The following RBFOX3 variants were observed in gnomAD, a reference collection of about 807,000 sequenced individuals.
RBFOX3 encodes RNA binding protein fox-1 homolog 3.
Under a neutral mutation model 48.7 loss-of-function variants are expected in RBFOX3, and 17 were observed. That is an observed-to-expected ratio of 0.35 (90% CI 0.24 to 0.52). RBFOX3 has a LOEUF of 0.52. RBFOX3 is among the 20% of genes least tolerant of loss of function. The probability of loss-of-function intolerance (pLI) is 0.94; values close to 1 mark genes in which losing one functional copy is unlikely to be tolerated. For synonymous variants in RBFOX3, 212 were observed against 209.5 expected (o/e 1.01, Z -0.10); for missense variants, 382 against 497.5 (o/e 0.77, Z 2.21).
chr17:79,124,673 G>A (rs1214510985), intron 4 of RBFOX3, among the ~76,000 whole-genome samples: 1 of 152,272 alleles, frequency 6.6e-6, no homozygotes, highest in Non-Finnish European at 1.5e-5. Context: ...TGGGTGGCCA[G>A]GGCTGGCCTT....
chr17:79,474,603 G>A (rs1209395515), intron 2 of RBFOX3, among the ~76,000 whole-genome samples: 1 of 152,122 alleles, frequency 6.6e-6, no homozygotes, highest in African/African-American at 2.4e-5. Flanking sequence ...TTTGACTTTT[G>A]TATCCGTGAA....
chr17:79,228,534 G>GA (rs2147682765), intron 4 of RBFOX3, among the ~76,000 whole-genome samples: 4 of 152,222 alleles, frequency 2.6e-5, no homozygotes, highest in African/African-American at 9.6e-5. Context: ...CTTCTTTCAT[G>GA]GGTAGCACAA....
intron 14 of RBFOX3, 108 bp downstream of exon 14, chr17:79,094,343 G>A (rs1339352890): frequency 5.6e-5 from 42 of 754,684 alleles, no homozygotes; most frequent in Non-Finnish European, 6.6e-5. Context: ...CAAAGTCTCC[G>A]GGACCAAGGC....
intron 6 of RBFOX3, 51 bp downstream of exon 6, chr17:79,106,600 G>A (rs1306683452): frequency 3.6e-6 from 5 of 1,407,714 alleles, no homozygotes; most frequent in Non-Finnish European, 3.7e-6. Context: ...GCGCCACCCT[G>A]GAGCTGGGGC....
chr17:79,509,021 C>T (rs1033782418), intron 1 of RBFOX3, among the ~76,000 whole-genome samples: 1 of 152,190 alleles, frequency 6.6e-6, no homozygotes, highest in Non-Finnish European at 1.5e-5. Context: ...ACGTCCGGGC[C>T]CCCCGAAGGC....
At chr17:79,425,731 C>A (rs966554593) in intron 2 of RBFOX3, among the ~76,000 whole-genome samples, 3 of 151,908 alleles carry the variant, frequency 2.0e-5, no homozygotes, top group African/African-American at 7.3e-5. Context: ...GCGGCAAGAG[C>A]AGAGGGAGCA....
intron 1 of RBFOX3, among the ~76,000 whole-genome samples, chr17:79,555,309 A>G (rs1202734099): frequency 0.026 from 1 of 38 alleles, no homozygotes; most frequent in Admixed American, 0.25. Context: ...TGATGATGGT[A>G]GTTGTGGTGG....
At chr17:79,663,960 C>T in the RBFOX3 span, among the ~76,000 whole-genome samples, 4 of 152,068 alleles carry the variant, frequency 2.6e-5, no homozygotes, top group Non-Finnish European at 5.9e-5. Flanking sequence ...CCAGAAAGGA[C>T]CAGGGAAGAG....
At chr17:79,105,254 C>T (rs562032420) in intron 6 of RBFOX3, among the ~76,000 whole-genome samples, 1 of 152,176 alleles carries the variant, frequency 6.6e-6, no homozygotes, top group Non-Finnish European at 1.5e-5. Flanking sequence ...CTGCAGGGAC[C>T]CAGGGAGCTG....
In RBFOX3 at chr17:79,477,769, T is replaced by C. The variant is rs1320663255; in HGVS notation, c.-175+4685A>G. On this transcript the variant is annotated intron_variant, in intron 2 of 14. Coordinates refer to ENST00000693108, the MANE Select transcript of RBFOX3 (RefSeq NM_001350451.2). The surrounding 1 kb of genome is among the most constrained non-coding windows in gnomAD (Gnocchi z 4.8). Reference sequence around the variant, plus strand: ...GAGCCTGGCATCCTTCCTAAATATTTTCCAAATACATTTCTTAATAGAAAA... The same window carrying C: ...GAGCCTGGCATCCTTCCTAAATATTCTCCAAATACATTTCTTAATAGAAAA... Among the ~76,000 whole-genome samples the C allele has an allele frequency of 6.6e-6, 1 of 152,146 alleles. No individual in the cohort carries two copies.
At chr17:79,278,058 A>G (rs993087599) in intron 3 of RBFOX3, among the ~76,000 whole-genome samples, 4 of 152,224 alleles carry the variant, frequency 2.6e-5, no homozygotes, top group African/African-American at 9.6e-5. Context: ...GCAAATGTAC[A>G]CAAAATGCCA....
At chr17:79,522,271 G>A (rs2086212845) in intron 1 of RBFOX3, among the ~76,000 whole-genome samples, 2 of 152,230 alleles carry the variant, frequency 1.3e-5, no homozygotes, top group East Asian at 1.9e-4. Context: ...CTCTAACCCA[G>A]AGGCCCTGTG....
intron 1 of RBFOX3, among the ~76,000 whole-genome samples, chr17:79,582,900 G>GCCTC (rs2093124577): frequency 6.6e-6 from 1 of 151,946 alleles, no homozygotes; most frequent in South Asian, 2.1e-4. Flanking sequence ...GTTCCTGAGG[G>GCCTC]CCTCGTTCAG....
chr17:79,565,324 C>CAATACAT (rs2092416119), intron 1 of RBFOX3, among the ~76,000 whole-genome samples: 1 of 150,156 alleles, frequency 6.7e-6, no homozygotes, highest in Admixed American at 6.6e-5. Flanking sequence ...AAGAAGCAAA[C>CAATACAT]AATACATTTA....
intron 2 of RBFOX3, among the ~76,000 whole-genome samples, chr17:79,339,103 A>C (rs2081637844): frequency 6.6e-6 from 1 of 151,506 alleles, no homozygotes; most frequent in African/African-American, 2.4e-5. Context: ...TGCCCAGGCT[A>C]GAGTACAGTG....
intron 4 of RBFOX3, among the ~76,000 whole-genome samples, chr17:79,150,054 T>TG (rs1335704969): frequency 7.4e-4 from 1 of 1,348 alleles, no homozygotes; most frequent in Non-Finnish European, 1.7e-3. Context: ...GGGATGGGGA[T>TG]GGGGGTTGAG....
Position 79,569,063 on chromosome 17 carries a change from T to C in RBFOX3, c.-320+41763A>G, listed in dbSNP as rs986304458. ...ATTCTTGTTTTAGGGGATTTTTTCA[T>C]TGTGGAAACATCTATAGCAAGAAAA... On this transcript the variant is annotated intron_variant, in intron 1 of 14. Coordinates refer to ENST00000693108, the MANE Select transcript of RBFOX3 (RefSeq NM_001350451.2). Among the ~76,000 whole-genome samples the C allele has an allele frequency of 3.5e-3, 530 of 151,944 alleles. 5 individuals carry two copies. The highest frequency in any genetic ancestry group is 0.012 in the African/African-American group (494 of 41,356).
intron 1 of RBFOX3, among the ~76,000 whole-genome samples, chr17:79,608,789 C>G (rs2093897771): frequency 1.3e-5 from 2 of 152,140 alleles, no homozygotes; most frequent in African/African-American, 4.8e-5. Flanking sequence ...GAGCGAGGCG[C>G]CCACGCAGGA....
chr17:79,617,278 G>T, the RBFOX3 span, among the ~76,000 whole-genome samples: 1 of 152,134 alleles, frequency 6.6e-6, no homozygotes, highest in East Asian at 1.9e-4. Context: ...GGATGGGGGG[G>T]TCTTAGCCTA....
Sources: gnomAD v4.1 joint callset for allele counts (sites outside exome capture counted in the v4.1 genomes callset) on GRCh38, gnomAD v4.1.1 for gene constraint, Gnocchi (gnomAD v3.1) non-coding constraint, MANE v1.5 for transcripts, NCBI Gene and HGNC (gene_info 2026-07-23, HGNC 2026-07-21) for gene names.